The following NOS1 variants were observed in gnomAD, a reference collection of about 807,000 sequenced individuals.
The protein encoded by NOS1 is nitric oxide synthase 1.
NOS1 carries 51 observed loss-of-function variants against 164.5 expected under a neutral mutation model. The observed-to-expected ratio is 0.31, with a 90% CI of 0.25 to 0.39. The LOEUF (loss-of-function observed/expected upper bound fraction) is 0.39. Ranked by LOEUF, NOS1 falls within the 10% of genes least tolerant of loss-of-function variation. The pLI is 1.00. For synonymous variants in NOS1, 719 were observed against 745.8 expected, an observed-to-expected ratio of 0.96 and a Z score of 0.59; for missense variants, 1,362 against 1,885.6, an observed-to-expected ratio of 0.72 and a Z score of 5.14.
Position 117,211,430 on chromosome 12 carries a change from T to G in NOS1, c.*3879A>C. 1.0e-6 allele frequency: 1 copy of G among 985,432 alleles called. No individual in the cohort carries two copies. The highest frequency in any genetic ancestry group is 1.2e-6 in the Non-Finnish European group (1 of 829,966). The allele number at this position is 985,432 out of a possible 1,614,324, so 61.0% of individuals were successfully genotyped here. ...GCTCAACGGGCCATGCTCTGTACTGTGGCCAGAACTTTCTTTTCCAAGTAT... is the reference window on the plus strand; with the variant it reads ...GCTCAACGGGCCATGCTCTGTACTGGGGCCAGAACTTTCTTTTCCAAGTAT... On this transcript the variant is annotated 3_prime_UTR_variant, in exon 29 of 29. Coordinates refer to ENST00000317775, the MANE Select transcript of NOS1 (RefSeq NM_000620.5).
intron 7 of NOS1, among the ~76,000 whole-genome samples, chr12:117,283,059 T>A (rs58950431): frequency 0.19 from 20,985 of 111,340 alleles, 1,107 homozygotes; most frequent in African/African-American, 0.22. Flanking sequence ...TATATATATT[T>A]TTTTTTTTTT....
At position 117,226,671 on chromosome 12, in the gene NOS1, C is replaced by T; in HGVS notation, c.3704+12G>A. The T allele has an allele frequency of 6.2e-7, 1 of 1,612,970 alleles. No individual in the cohort carries two copies. The highest frequency in any genetic ancestry group is 8.5e-7 in the Non-Finnish European group (1 of 1,178,968). On this transcript the variant is annotated intron_variant, in intron 24 of 28. Transcript: ENST00000317775. ...TGAGATGATTGCTCATTTTTCTCCA[C>T]TTATTACTCACCCTCTCACGAAACA...
At chr12:117,252,404 G>C (rs1328658500) in intron 17 of NOS1, among the ~76,000 whole-genome samples, 1 of 152,136 alleles carries the variant, frequency 6.6e-6, no homozygotes, top group African/African-American at 2.4e-5. Flanking sequence ...GTGTTAGTTT[G>C]CCAGCTCCTG....
chr12:117,265,268 C>A, intron 12 of NOS1, 48 bp downstream of exon 12: 2 of 1,463,296 alleles, frequency 1.4e-6, no homozygotes, highest in Non-Finnish European at 1.8e-6. Flanking sequence ...GACACACACA[C>A]CAGATACAGG....
chr12:117,216,705 C>T (rs1956617098), intron 28 of NOS1, among the ~76,000 whole-genome samples: 2 of 152,022 alleles, frequency 1.3e-5, no homozygotes, highest in African/African-American at 4.8e-5. Context: ...TCTTGAACTC[C>T]TGGGCTCAAG....
At chr12:117,218,334 T>C (rs987147918) in intron 27 of NOS1, among the ~76,000 whole-genome samples, 170 bp from the exon 28 acceptor site, 2 of 152,124 alleles carry the variant, frequency 1.3e-5, no homozygotes, top group African/African-American at 4.8e-5. Flanking sequence ...AAGACTCTGC[T>C]CAGCAAAACT....
Position 117,272,555 on chromosome 12 carries a change from C to T in NOS1, c.1669G>A (p.Glu557Lys). 1.2e-6 allele frequency: 2 copies of T among 1,613,752 alleles called. No homozygotes were observed. The highest frequency in any genetic ancestry group is 2.2e-5 in the East Asian group (1 of 44,878). ...LEVPIRHPKF[E>K]WFKDLGLKWY... The stretch of plus-strand genomic sequence containing the variant: ...TTCAGCCCCAGGTCCTTGAACCACT[C>T]AAACCTGCAGGGAGCAACAGGGCCC... Residue 557 changes from glutamate to lysine, a missense_variant, in exon 10 of 29, where the codon GAG (glutamate) becomes AAG (lysine). By Grantham distance (56) the Glu-to-Lys change is moderately conservative. Around this residue, in one of 4 missense-constraint regions of NOS1, gnomAD observed 134 missense variants for 267.3 expected, o/e 0.50. Coordinates refer to ENST00000317775, the MANE Select transcript of NOS1 (RefSeq NM_000620.5). The surrounding 1 kb of genome is among the most constrained non-coding windows in gnomAD (Gnocchi z 4.3).
At chr12:117,215,869 CTTTTTTTTTTTTTTTT>C (rs34665031) in intron 28 of NOS1, among the ~76,000 whole-genome samples, 2 of 85,428 alleles carry the variant, frequency 2.3e-5, no homozygotes, top group African/African-American at 1.1e-4. Flanking sequence ...TTTAAAAGGA[CTTTTTTTTTTTTTTTT>C]TTTTTTTTGA....
chr12:117,350,888 C>T (rs548004466), intron 1 of NOS1, among the ~76,000 whole-genome samples: 18 of 152,178 alleles, frequency 1.2e-4, no homozygotes, highest in Admixed American at 9.2e-4. Flanking sequence ...CCGAGGCGGG[C>T]GGATCACGAG....
chr12:117,329,521 G>C (rs1330982879), intron 2 of NOS1, among the ~76,000 whole-genome samples: 1 of 151,980 alleles, frequency 6.6e-6, no homozygotes, highest in African/African-American at 2.4e-5. Flanking sequence ...CCAGACCTAA[G>C]ATGCAAATGG....
At chr12:117,218,689 A>T (rs141124504) in intron 27 of NOS1, among the ~76,000 whole-genome samples, 36 of 152,248 alleles carry the variant, frequency 2.4e-4, no homozygotes, top group African/African-American at 8.7e-4. Context: ...ATCTTTGCTC[A>T]ACATTGCCCA....
intron 28 of NOS1, 113 bp from the exon 29 acceptor site, chr12:117,215,437 T>TA: frequency 3.2e-5 from 41 of 1,271,126 alleles, no homozygotes; most frequent in South Asian, 5.3e-5. Flanking sequence ...TTTGTCTCTT[T>TA]CTTTTTTTTT....
In NOS1 at chr12:117,234,704, G is replaced by C; in HGVS notation, c.3096C>G (p.Tyr1032Ter). Residue 1032 changes from tyrosine (Y) to a stop codon, truncating the protein, a stop_gained, in exon 21 of 29, where the codon TAC becomes TAG. Transcript: ENST00000317775. LOFTEE classifies it high-confidence loss of function. This position sits in a 1 kb window ranked among gnomAD's most constrained non-coding sequence, Gnocchi z 4.3. ...AGACACCCAGGTGGTCCCCAGGCTG[G>C]TACTGCAGCTCCTGGCTCCCGTTGG... ...LHTNGSQELQYQPGDHLGVFP... is the reference protein window; with the variant it reads ...LHTNGSQELQ 6.2e-7 allele frequency: 1 copy of C among 1,614,028 alleles called. No individual in the cohort carries two copies. The highest frequency in any genetic ancestry group is 1.7e-4 in the Middle Eastern group (1 of 6,058).
chr12:117,220,037 G>A (rs761466911), intron 27 of NOS1, 38 bp downstream of exon 27: 7 of 1,563,506 alleles, frequency 4.5e-6, no homozygotes, highest in Non-Finnish European at 5.2e-6. Context: ...GAGAGTGGAT[G>A]TAGGAAAAGG....
intron 17 of NOS1, among the ~76,000 whole-genome samples, chr12:117,252,700 G>T (rs1053136837): frequency 2.0e-5 from 3 of 152,208 alleles, no homozygotes; most frequent in East Asian, 3.8e-4. Flanking sequence ...TGCTCATTTT[G>T]CTGTCAACCT....
rs1869510434 is a variant in NOS1, at chr12:117,234,241, C to A, written c.3235+324G>T. On this transcript the variant is annotated intron_variant, in intron 21 of 28. Coordinates refer to ENST00000317775, the MANE Select transcript of NOS1 (RefSeq NM_000620.5). This position sits in a 1 kb window ranked among gnomAD's most constrained non-coding sequence, Gnocchi z 4.3. ...GGACAATGGGGTACTAGAGATTTTC[C>A]TGAGGGCTAGTGGTGAGGATGGAAA... Among the ~76,000 whole-genome samples the A allele has an allele frequency of 6.6e-6, 1 of 152,176 alleles. No homozygotes were observed.
intron 2 of NOS1, among the ~76,000 whole-genome samples, chr12:117,312,051 A>G (rs974289890): frequency 2.0e-5 from 3 of 152,186 alleles, no homozygotes; most frequent in African/African-American, 7.2e-5. Flanking sequence ...GCTTTGGGTA[A>G]TAAGTTATTC....
intron 9 of NOS1, among the ~76,000 whole-genome samples, chr12:117,277,280 C>T (rs1873265040): frequency 6.6e-6 from 1 of 151,814 alleles, no homozygotes; most frequent in African/African-American, 2.4e-5. Flanking sequence ...GAGTTTTAAA[C>T]AGTTCTCTCA....
chr12:117,233,758 A>C (rs1036861398), intron 21 of NOS1, among the ~76,000 whole-genome samples: 1 of 149,536 alleles, frequency 6.7e-6, no homozygotes, highest in Non-Finnish European at 1.5e-5. Context: ...TGGTGAGCCA[A>C]GATTGCGCCA....
Sources: allele counts gnomAD v4.1 joint callset (sites outside exome capture counted in the v4.1 genomes callset), GRCh38; gene constraint gnomAD v4.1.1; regional missense constraint gnomAD v4.1.1; non-coding constraint Gnocchi (gnomAD v3.1); transcripts MANE v1.5; gene names NCBI Gene and HGNC (gene_info 2026-07-23, HGNC 2026-07-21).